FBXO42: variants seen among roughly 807,000 people sequenced by gnomAD.
FBXO42 encodes the protein F-box only protein 42.
In FBXO42, 12 loss-of-function variants were observed where a neutral mutation model predicts 71.7. The observed-to-expected ratio is 0.17, with a 90% CI of 0.11 to 0.27. The LOEUF (loss-of-function observed/expected upper bound fraction) is 0.27. Ranked by LOEUF, FBXO42 falls within the 10% of genes least tolerant of loss-of-function variation. The pLI, the probability that FBXO42 is intolerant of heterozygous loss-of-function variation, is 1.00. For synonymous variants in FBXO42, 325 were observed against 327.5 expected, an observed-to-expected ratio of 0.99 and a Z score of 0.08; for missense variants, 707 against 911.9, an observed-to-expected ratio of 0.78 and a Z score of 2.89.
intron 1 of FBXO42, among the ~76,000 whole-genome samples, chr1:16,332,545 CTT>C (rs796485216): frequency 7.1e-5 from 10 of 141,620 alleles, no homozygotes; most frequent in Admixed American, 1.4e-4. Flanking sequence ...ATTTCTTTTC[CTT>C]TTTTTTTTTT....
chr1:16,344,999 T>A (rs1288458305), intron 1 of FBXO42, among the ~76,000 whole-genome samples: 1 of 151,688 alleles, frequency 6.6e-6, no homozygotes, highest in African/African-American at 2.4e-5. Flanking sequence ...CTCCGGAGGC[T>A]GAGGCAGGAG....
intron 4 of FBXO42, among the ~76,000 whole-genome samples, chr1:16,276,665 G>C (rs879122299): frequency 2.6e-5 from 4 of 152,188 alleles, no homozygotes; most frequent in African/African-American, 7.2e-5. Context: ...GATATACAAG[G>C]ATAAGGCATC....
chr1:16,305,738 C>G, intron 3 of FBXO42, 65 bp downstream of exon 3: 1 of 1,382,166 alleles, frequency 7.2e-7, no homozygotes, highest in South Asian at 1.2e-5. Context: ...AAACATGCCA[C>G]CAAACAAGTT....
At chr1:16,311,494 AAAAAAAAAAATATATATATAT>A (rs1557596938) in intron 2 of FBXO42, among the ~76,000 whole-genome samples, 1 of 103,468 alleles carries the variant, frequency 9.7e-6, no homozygotes, top group African/African-American at 3.5e-5. Flanking sequence ...TCTCAAAAAA[AAAAAAAAAAATATATATATAT>A]ATATATATAT....
At chr1:16,347,423 G>A (rs2100646870) in intron 1 of FBXO42, among the ~76,000 whole-genome samples, 1 of 152,246 alleles carries the variant, frequency 6.6e-6, no homozygotes, top group East Asian at 1.9e-4. Context: ...GCTGAGGCAG[G>A]AGAATCACTT....
At chr1:16,329,645 T>C (rs1252026718) in intron 1 of FBXO42, among the ~76,000 whole-genome samples, 3 of 150,764 alleles carry the variant, frequency 2.0e-5, no homozygotes, top group Admixed American at 6.6e-5. Context: ...CATATTGATA[T>C]AACTGATTAA....
chr1:16,274,384 G>A (rs2081876087), intron 4 of FBXO42, among the ~76,000 whole-genome samples: 1 of 151,950 alleles, frequency 6.6e-6, no homozygotes, highest in Non-Finnish European at 1.5e-5. Flanking sequence ...CAGAATAGGA[G>A]CTGACCTCTA....
intron 2 of FBXO42, among the ~76,000 whole-genome samples, chr1:16,309,978 A>G (rs543054719): frequency 4.7e-4 from 72 of 151,868 alleles, no homozygotes; most frequent in Non-Finnish European, 8.4e-4. Context: ...GGCAGATCAC[A>G]AGGTCAGGAG....
rs2081612071 is a variant in FBXO42, at chr1:16,253,551, C to A, written c.864+84G>T. The stretch of plus-strand genomic sequence containing the variant: ...TCTTTGGCTTAGTGCATATTGGCAT[C>A]TTACCTGACTCCCTCCTCCCTCTCC... On this transcript the variant is annotated intron_variant, in intron 7 of 9. Coordinates refer to ENST00000375592, the MANE Select transcript of FBXO42 (RefSeq NM_018994.3). 2.4e-6 allele frequency: 3 copies of A among 1,270,620 alleles called. No homozygotes were observed. The Admixed American group carries it at 5.8e-5, about 24-fold the overall frequency. The allele number at this position is 1,270,620 out of a possible 1,614,324, so 78.7% of individuals were successfully genotyped here. A position where few individuals can be genotyped will look rare whatever the true frequency, so the allele number is the denominator to read the frequency against.
At chr1:16,300,755 T>C (rs1297211106) in intron 3 of FBXO42, among the ~76,000 whole-genome samples, 1 of 152,096 alleles carries the variant, frequency 6.6e-6, no homozygotes, top group Non-Finnish European at 1.5e-5. Context: ...ATGTGACACC[T>C]ACAACACTGA....
chr1:16,295,704 C>T (rs758024274), intron 3 of FBXO42, among the ~76,000 whole-genome samples: 4 of 152,058 alleles, frequency 2.6e-5, no homozygotes, highest in Admixed American at 6.6e-5. Context: ...ATAAATGAAT[C>T]TTTATATGAC....
chr1:16,290,342 C>T (rs1038365054), intron 4 of FBXO42, among the ~76,000 whole-genome samples: 2 of 152,130 alleles, frequency 1.3e-5, no homozygotes, highest in African/African-American at 2.4e-5. Context: ...CTTTGGAAGA[C>T]AATGAGGTTT....
chr1:16,316,256 G>C (rs1283551963), intron 1 of FBXO42, among the ~76,000 whole-genome samples: 1 of 150,290 alleles, frequency 6.7e-6, no homozygotes, highest in Non-Finnish European at 1.5e-5. Context: ...CCTTTTTCCT[G>C]TTTGCCCGGA....
chr1:16,272,293 CTT>C (rs1017078404), intron 4 of FBXO42, among the ~76,000 whole-genome samples: 63 of 151,012 alleles, frequency 4.2e-4, no homozygotes, highest in African/African-American at 1.3e-3. Context: ...GAGTTTCGCT[CTT>C]GTTACCCAGG....
In FBXO42 at chr1:16,315,209, A is replaced by C; in HGVS notation, c.210T>G (p.Thr70=). ...ACCACTGTTTGCAGACAAGGGCCGC[A>C]GTTTTGTGTTCCTGATACGGTGAGA... ...SFLSPYQEHK[T]AALVCKQWYR... is the part of the protein sequence containing the mutation. The change falls in exon 2 of 10, where the codon ACT becomes ACG. Residue 70 remains threonine, a synonymous_variant. Transcript: ENST00000375592. 6.2e-7 allele frequency: 1 copy of C among 1,614,128 alleles called. No homozygotes were observed. Among genetic ancestry groups the C allele is most frequent in the Middle Eastern group, 1.7e-4 (1 of 6,060 alleles).
intron 1 of FBXO42, among the ~76,000 whole-genome samples, chr1:16,342,689 G>C (rs1201688229): frequency 3.3e-5 from 5 of 151,976 alleles, no homozygotes; most frequent in African/African-American, 1.2e-4. Flanking sequence ...CTACTGCTAT[G>C]GTTTAGATAA....
intron 7 of FBXO42, chr1:16,253,390 T>G (rs766008457): frequency 1.2e-5 from 7 of 592,816 alleles, no homozygotes; most frequent in Non-Finnish European, 2.1e-5. Context: ...GTCAACCACA[T>G]AAAATGCAGG....
intron 1 of FBXO42, among the ~76,000 whole-genome samples, chr1:16,337,988 G>A (rs998121052): frequency 6.7e-5 from 10 of 149,552 alleles, no homozygotes; most frequent in African/African-American, 1.5e-4. Flanking sequence ...GGCCGGGCGC[G>A]GTGGCTCACA....
intron 1 of FBXO42, among the ~76,000 whole-genome samples, chr1:16,327,096 A>T (rs1234647212): frequency 6.6e-6 from 1 of 152,188 alleles, no homozygotes. Flanking sequence ...AAGCCATATT[A>T]TCTTTGTACA....
Sources: gnomAD v4.1 joint callset for allele counts (sites outside exome capture counted in the v4.1 genomes callset) on GRCh38, gnomAD v4.1.1 for gene constraint, MANE v1.5 for transcripts, NCBI Gene and HGNC (gene_info 2026-07-23, HGNC 2026-07-21) for gene names.